The following ZBTB20 variants were observed in gnomAD, a reference collection of about 807,000 sequenced individuals.
The protein encoded by ZBTB20 is zinc finger and BTB domain-containing protein 20.
In ZBTB20, 9 loss-of-function variants were observed where a neutral mutation model predicts 56.9. The ratio of observed to expected loss-of-function variants is 0.16; its 90% CI spans 0.10 to 0.28. ZBTB20 has a LOEUF of 0.28. Among genes scored for constraint, ZBTB20 ranks in the 10% least tolerant of loss-of-function variants. The pLI is 1.00. For missense variants in ZBTB20, 655 were observed against 1,003.0 expected, an observed-to-expected ratio of 0.65 and a Z score of 4.69; for synonymous variants, 417 against 420.7, an observed-to-expected ratio of 0.99 and a Z score of 0.11.
intron 10 of ZBTB20, among the ~76,000 whole-genome samples, chr3:114,360,433 C>T (rs946909356): frequency 6.6e-6 from 1 of 150,952 alleles, no homozygotes; most frequent in African/African-American, 2.4e-5. Context: ...CAACCTCTGC[C>T]TCCTGGGTTC....
At chr3:114,839,770 G>T (rs1424395696) in intron 4 of ZBTB20, among the ~76,000 whole-genome samples, 1 of 152,196 alleles carries the variant, frequency 6.6e-6, no homozygotes, top group Non-Finnish European at 1.5e-5. Context: ...AAGACAGAGA[G>T]AGCAGAAGGC....
intron 2 of ZBTB20, among the ~76,000 whole-genome samples, chr3:114,992,739 AG>A (rs1196522313): frequency 6.6e-6 from 1 of 151,972 alleles, no homozygotes; most frequent in Non-Finnish European, 1.5e-5. Flanking sequence ...ATAGGTCTAT[AG>A]ACTAGCCCAG....
intron 6 of ZBTB20, among the ~76,000 whole-genome samples, chr3:114,601,279 C>A (rs1240305489): frequency 5.3e-5 from 8 of 152,044 alleles, no homozygotes; most frequent in African/African-American, 1.9e-4. Flanking sequence ...TAAAAAGAGA[C>A]CTTCTTCCAG....
intron 4 of ZBTB20, among the ~76,000 whole-genome samples, chr3:114,898,331 T>C (rs2074970884): frequency 6.6e-6 from 1 of 152,126 alleles, no homozygotes; most frequent in Non-Finnish European, 1.5e-5. Flanking sequence ...GGGAATAACA[T>C]ACAGACTTCT....
Position 115,129,558 on chromosome 3 carries a change from CA to C in ZBTB20, c.-703+17660del, listed in dbSNP as rs143463184. On this transcript the variant is annotated intron_variant, in intron 1 of 11. Transcript: ENST00000675478. ...AAAGATCATAAAGATTTTACTATTTCAAAGCATTTATGCTAGAGTCACTTTT... is the reference window on the plus strand; with the variant it reads ...AAAGATCATAAAGATTTTACTATTTCAAGCATTTATGCTAGAGTCACTTTT... 4.7e-3 allele frequency among the ~76,000 whole-genome samples: 714 copies of C among 152,260 alleles called. 18 individuals are homozygous for C. The East Asian group carries it at 0.072, about 15-fold the overall frequency.
chr3:114,381,805 G>A (rs1167018450), intron 8 of ZBTB20, among the ~76,000 whole-genome samples: 3 of 152,198 alleles, frequency 2.0e-5, no homozygotes, highest in South Asian at 4.1e-4. Context: ...TTTCTTCAGA[G>A]GGCAGGAGGC....
intron 2 of ZBTB20, among the ~76,000 whole-genome samples, chr3:115,027,197 T>C (rs2080461910): frequency 6.6e-6 from 1 of 150,994 alleles, no homozygotes; most frequent in South Asian, 2.1e-4. Flanking sequence ...AAAATAATCT[T>C]CAAGATTGGA....
chr3:114,985,643 A>C (rs1190426022), intron 2 of ZBTB20, among the ~76,000 whole-genome samples: 1 of 152,088 alleles, frequency 6.6e-6, no homozygotes, highest in Non-Finnish European at 1.5e-5. Context: ...TGGGACCTTT[A>C]CTGCCAAAAT....
chr3:114,565,057 T>C (rs2052555532), intron 6 of ZBTB20, among the ~76,000 whole-genome samples: 1 of 152,188 alleles, frequency 6.6e-6, no homozygotes, highest in South Asian at 2.1e-4. Context: ...CATAACAGCA[T>C]AACATCCTTG....
intron 4 of ZBTB20, among the ~76,000 whole-genome samples, chr3:114,810,310 A>T (rs1297039670): frequency 6.6e-6 from 1 of 152,210 alleles, no homozygotes; most frequent in Non-Finnish European, 1.5e-5. Context: ...ATTTCTGGCC[A>T]ATCTGCCAGT....
At chr3:114,396,165 G>A (rs185107042) in intron 7 of ZBTB20, among the ~76,000 whole-genome samples, 80 of 152,278 alleles carry the variant, frequency 5.3e-4, no homozygotes, top group African/African-American at 1.4e-3. Context: ...ACTTTGTAAT[G>A]AGAATTCTAA....
At chr3:114,788,599 G>C (rs948199693) in intron 5 of ZBTB20, among the ~76,000 whole-genome samples, 3 of 152,102 alleles carry the variant, frequency 2.0e-5, no homozygotes, top group African/African-American at 7.2e-5. Context: ...GCTATCAACT[G>C]TGCATTCCTT....
chr3:114,372,940 T>C (rs903069001), intron 10 of ZBTB20, among the ~76,000 whole-genome samples: 4 of 152,132 alleles, frequency 2.6e-5, no homozygotes, highest in Non-Finnish European at 5.9e-5. Flanking sequence ...TTTCCTGAGA[T>C]GCAGTCTTGC....
intron 2 of ZBTB20, among the ~76,000 whole-genome samples, chr3:115,041,068 G>T (rs1208910947): frequency 2.0e-5 from 3 of 152,108 alleles, no homozygotes; most frequent in African/African-American, 7.2e-5. Context: ...CCATGTTGGT[G>T]CATGATGGAA....
intron 6 of ZBTB20, among the ~76,000 whole-genome samples, chr3:114,662,210 C>A (rs1281414858): frequency 6.6e-6 from 1 of 151,914 alleles, no homozygotes; most frequent in Non-Finnish European, 1.5e-5. Context: ...CAATTTCATC[C>A]ATGTCCCTAC....
chr3:114,566,203 T>G (rs974527112), intron 6 of ZBTB20, among the ~76,000 whole-genome samples: 1 of 152,228 alleles, frequency 6.6e-6, no homozygotes, highest in South Asian at 2.1e-4. Flanking sequence ...TCTCACTCAG[T>G]AGAAACACAA....
chr3:114,551,909 G>T (rs2050626660), intron 6 of ZBTB20, among the ~76,000 whole-genome samples: 1 of 152,098 alleles, frequency 6.6e-6, no homozygotes, highest in African/African-American at 2.4e-5. Flanking sequence ...ATAAATAAAT[G>T]GAAACTCATC....
At chr3:114,915,036 TC>T (rs200878826) in intron 3 of ZBTB20, among the ~76,000 whole-genome samples, 2 of 151,606 alleles carry the variant, frequency 1.3e-5, no homozygotes, top group African/African-American at 4.8e-5. Context: ...TGTTTTCTTT[TC>T]TTTTTTTTTT....
rs540143746 is a variant in ZBTB20, at chr3:115,063,206, C to A, written c.-507+8013G>T. Reference sequence around the variant, plus strand: ...ATCATGAGTTAATCTACTACCTGAACAATCAAAGTCCAAAATACTTGGTAT... The same window carrying A: ...ATCATGAGTTAATCTACTACCTGAAAAATCAAAGTCCAAAATACTTGGTAT... On this transcript the variant is annotated intron_variant, in intron 2 of 11. Coordinates refer to ENST00000675478, the MANE Select transcript of ZBTB20 (RefSeq NM_001348800.3). 5.3e-5 allele frequency among the ~76,000 whole-genome samples: 8 copies of A among 152,238 alleles called. No homozygotes were observed. In the South Asian group the frequency reaches 1.7e-3, roughly 32 times the overall value.
Sources: gnomAD v4.1 joint callset for allele counts (sites outside exome capture counted in the v4.1 genomes callset) on GRCh38, gnomAD v4.1.1 for gene constraint, MANE v1.5 for transcripts, NCBI Gene and HGNC (gene_info 2026-07-23, HGNC 2026-07-21) for gene names.